The following CFAP92 variants were observed in gnomAD, a reference collection of about 807,000 sequenced individuals.
CFAP92 encodes the protein uncharacterized protein CFAP92.
In CFAP92, 86 loss-of-function variants were observed where a neutral mutation model predicts 106.3. The ratio of observed to expected loss-of-function variants is 0.81; its 90% CI spans 0.68 to 0.97. The LOEUF (loss-of-function observed/expected upper bound fraction) is 0.97, where lower values mean the gene tolerates loss of function less well. Ranked by LOEUF, CFAP92 falls within the 50% of genes least tolerant of loss-of-function variation. CFAP92 has a pLI of 0.00. For missense variants in CFAP92, 1,204 were observed against 1,283.8 expected, an observed-to-expected ratio of 0.94 and a Z score of 0.95; for synonymous variants, 477 against 506.4, an observed-to-expected ratio of 0.94 and a Z score of 0.78.
upstream of CFAP92, chr3:129,003,741 G>T: frequency 3.1e-6 from 4 of 1,310,342 alleles, no homozygotes; most frequent in Admixed American, 4.0e-5. Context: ...GCGTTCGTCT[G>T]GTGCATCTGG....
rs1321712676 is a variant in CFAP92 at position 128,915,140 on chromosome 3, G to A, written c.3259C>T (p.Pro1087Ser). The A allele has an allele frequency of 1.3e-6, 2 of 1,535,992 alleles. No homozygotes were observed. Among genetic ancestry groups the A allele is most frequent in the South Asian group, 1.2e-5 (1 of 84,068 alleles). Reference protein sequence around the residue: ...PPPFLELLPSPAPKPVTVRKK... With the variant: ...PPPFLELLPSSAPKPVTVRKK... ...TTACCTGTTACAGGCTTTGGTGCGG[G>A]CGAAGGGAGCAGCTCGAGGAAAGGT... Residue 1087 changes from proline to serine, a missense_variant, in exon 15 of 16, where the codon CCC (proline) becomes TCC (serine). Pro to Ser is a moderately conservative substitution (Grantham distance 74). Transcript: ENST00000645291.
the CFAP92 span, among the ~76,000 whole-genome samples, chr3:129,025,111 C>T: frequency 3.9e-5 from 6 of 152,152 alleles, no homozygotes; most frequent in East Asian, 1.9e-4. Flanking sequence ...TAAGTTCGGG[C>T]GCTTGTCAGG....
chr3:128,961,152 A>G (rs1941879513), intron 9 of CFAP92, among the ~76,000 whole-genome samples: 1 of 152,284 alleles, frequency 6.6e-6, no homozygotes, highest in East Asian at 1.9e-4. Context: ...TAGCCAGAAA[A>G]TGGCACTTTA....
At position 128,958,669 on chromosome 3, in the gene CFAP92, G is replaced by A. The variant is rs149674333; in HGVS notation, c.1353+6842C>T. Among the ~76,000 whole-genome samples, 736 of 152,276 alleles carry A rather than the reference G, an allele frequency of 4.8e-3. 7 individuals carry two copies. The highest frequency in any genetic ancestry group is 0.017 in the African/African-American group (700 of 41,536). On this transcript the variant is annotated intron_variant, in intron 9 of 15. Coordinates refer to ENST00000645291, the MANE Select transcript of CFAP92 (RefSeq NM_001394090.1). Reference sequence around the variant, plus strand: ...TAATCCTAGCACTTTGGGAGGCCACGGCAGGAGGATCACTTGATCCCAGGA... The same window carrying A: ...TAATCCTAGCACTTTGGGAGGCCACAGCAGGAGGATCACTTGATCCCAGGA...
At chr3:128,956,568 G>A (rs1941439221) in intron 9 of CFAP92, among the ~76,000 whole-genome samples, 1 of 151,882 alleles carries the variant, frequency 6.6e-6, no homozygotes, top group African/African-American at 2.4e-5. Flanking sequence ...CTTGAAAGCT[G>A]CAAGAGATAA....
rs571319596 is a variant in CFAP92, at chr3:128,925,197, G to C, written c.2751+7503C>G. 9.8e-5 allele frequency among the ~76,000 whole-genome samples: 15 copies of C among 152,340 alleles called. No homozygotes were observed. In the South Asian group the frequency reaches 3.1e-3, roughly 32 times the overall value. On this transcript the variant is annotated intron_variant, in intron 12 of 15. Transcript: ENST00000645291. ...TGGCCAGTGGGAGAGGGTTGTATGG[G>C]CATGGTTTGGGGATGAAACTGTTCC...
chr3:129,001,418 G>A (rs1944737941), intron 1 of CFAP92, among the ~76,000 whole-genome samples: 1 of 152,226 alleles, frequency 6.6e-6, no homozygotes, highest in South Asian at 2.1e-4. Context: ...GGGGGTTCCT[G>A]GACCCCCTAC....
At chr3:128,986,145 C>A (rs547773105) in intron 4 of CFAP92, among the ~76,000 whole-genome samples, 2 of 152,172 alleles carry the variant, frequency 1.3e-5, no homozygotes, top group East Asian at 1.9e-4. Context: ...GGCTTTCCAG[C>A]CACACAAAAT....
chr3:128,910,456 A>C (rs1445432705), intron 15 of CFAP92, 123 bp from the exon 16 acceptor site: 1 of 951,250 alleles, frequency 1.1e-6, no homozygotes, highest in East Asian at 2.6e-5. Context: ...CTGAGGACCC[A>C]CTGTATACCA....
chr3:128,935,762 C>A (rs567070613), intron 10 of CFAP92, among the ~76,000 whole-genome samples: 1 of 151,996 alleles, frequency 6.6e-6, no homozygotes, highest in Admixed American at 6.6e-5. Context: ...GAGGCTGCAG[C>A]GAGCCCTGAT....
chr3:128,919,432 A>C (rs2107683031), intron 12 of CFAP92, among the ~76,000 whole-genome samples: 1 of 152,382 alleles, frequency 6.6e-6, no homozygotes, highest in African/African-American at 2.4e-5. Flanking sequence ...CAAAAGGGGC[A>C]AAAGGATATT....
chr3:129,000,750 A>G (rs1206993592), intron 1 of CFAP92, among the ~76,000 whole-genome samples: 1 of 152,232 alleles, frequency 6.6e-6, no homozygotes, highest in Non-Finnish European at 1.5e-5. Flanking sequence ...CTCGGATCCC[A>G]TTGCCAAGTC....
upstream of CFAP92, among the ~76,000 whole-genome samples, chr3:128,995,251 C>A (rs1339890764): frequency 6.6e-6 from 1 of 152,234 alleles, no homozygotes; most frequent in Non-Finnish European, 1.5e-5. Flanking sequence ...CCCCAGACCG[C>A]TCTCAGGGCA....
At position 128,993,291 on chromosome 3, in the gene CFAP92, G is replaced by A. The variant is rs763996999; in HGVS notation, c.14C>T (p.Ala5Val). ...TGCGGGGTCCTCTTCCCACTCCCAG[G>A]CATGTAGCGACATGCTGCAGAGCGC... The part of the protein sequence containing the change: MSLH[A>V]WEWEEDPASI... The change falls in exon 2 of 16, where the codon GCC (alanine) becomes GTC (valine). Residue 5 changes from alanine (A) to valine (V), a missense_variant. By Grantham distance (64) the Ala-to-Val change is moderately conservative. Coordinates refer to ENST00000645291, the MANE Select transcript of CFAP92 (RefSeq NM_001394090.1). 1.2e-6 allele frequency: 2 copies of A among 1,613,312 alleles called. No individual in the cohort carries two copies. The highest frequency in any genetic ancestry group is 8.5e-7 in the Non-Finnish European group (1 of 1,179,742).
At position 128,993,051 on chromosome 3, in the gene CFAP92, A is replaced by C; in HGVS notation, c.254T>G (p.Val85Gly). The change falls in exon 2 of 16, where the codon GTG becomes GGG. Residue 85 changes from valine to glycine, a missense_variant. Physicochemically the swap from Val to Gly is moderately radical, Grantham distance 109 (BLOSUM62 -3). Transcript: ENST00000645291. ...TCTGCTCTAGCACCTACCCATATTC[A>C]CAGGGAAGGCCAGTGAGATGGTGAA... The part of the protein sequence containing the change: ...CKFTISLAFP[V>G]NMGQKGKYAS... The C allele has an allele frequency of 1.2e-6, 2 of 1,614,016 alleles. No homozygotes were observed. Among genetic ancestry groups the C allele is most frequent in the Non-Finnish European group, 1.7e-6 (2 of 1,179,888 alleles).
chr3:128,956,184 TA>T (rs369899266), intron 9 of CFAP92, among the ~76,000 whole-genome samples: 6,832 of 49,098 alleles, frequency 0.14, 299 homozygotes, highest in Non-Finnish European at 0.19. Flanking sequence ...AAAAATAAAT[TA>T]AAAAAAAAAA....
In CFAP92 at chr3:128,993,301, A is replaced by G. The variant is rs757009135; in HGVS notation, c.4T>C (p.Ser2Pro). ...TCTTCCCACTCCCAGGCATGTAGCG[A>G]CATGCTGCAGAGCGCACTGCTGGCC... Reference protein sequence around the residue: MSLHAWEWEEDP... With the variant: MPLHAWEWEEDP... The change falls in exon 2 of 16, where the codon TCG becomes CCG. Residue 2 changes from serine to proline, a missense_variant. By Grantham distance (74) the Ser-to-Pro change is moderately conservative. Coordinates refer to ENST00000645291, the MANE Select transcript of CFAP92 (RefSeq NM_001394090.1). 1 of 1,612,808 alleles carries G rather than the reference A, an allele frequency of 6.2e-7. No homozygotes were observed. Among genetic ancestry groups the G allele is most frequent in the Non-Finnish European group, 8.5e-7 (1 of 1,179,584 alleles).
At position 128,910,021 on chromosome 3, in the gene CFAP92, A is replaced by T. The variant is rs778405104; in HGVS notation, c.*278T>A. 1 of 1,613,470 alleles carries T rather than the reference A, an allele frequency of 6.2e-7. No individual in the cohort carries two copies. Among genetic ancestry groups the T allele is most frequent in the South Asian group, 1.1e-5 (1 of 90,770 alleles). On this transcript the variant is annotated 3_prime_UTR_variant, in exon 16 of 16. Coordinates refer to ENST00000645291, the MANE Select transcript of CFAP92 (RefSeq NM_001394090.1). ...CCACTTGGAGCCTCTGTGATCCCAG[A>T]CCATCATGGAGGAGCAGCTGGTACT...
rs1944318872 is a variant in CFAP92 at position 128,993,092 on chromosome 3, G to A, written c.213C>T (p.His71=). 2 of 1,613,986 alleles carry A rather than the reference G, an allele frequency of 1.2e-6. No individual in the cohort carries two copies. Among genetic ancestry groups the A allele is most frequent in the South Asian group, 1.1e-5 (1 of 91,094 alleles). ...AGATGGTGAATTTGCAGGGGACCACGTGGGGCACGTCGGAGCTGAAAGTGC... is the reference window on the plus strand; with the variant it reads ...AGATGGTGAATTTGCAGGGGACCACATGGGGCACGTCGGAGCTGAAAGTGC... The part of the protein sequence containing the change: ...PASTFSSDVP[H]VVPCKFTISL... The change falls in exon 2 of 16, where the codon CAC becomes CAT. Residue 71 remains histidine, a synonymous_variant. Transcript: ENST00000645291.
Sources: allele counts gnomAD v4.1 joint callset (sites outside exome capture counted in the v4.1 genomes callset), GRCh38; gene constraint gnomAD v4.1.1; transcripts MANE v1.5; gene names NCBI Gene and HGNC (gene_info 2026-07-23, HGNC 2026-07-21).